Variants in ANK3 observed in about 807,000 individuals in gnomAD.
ANK3 encodes ankyrin-3.
Under a neutral mutation model 370.9 loss-of-function variants are expected in ANK3, and 57 were observed. The ratio of observed to expected loss-of-function variants is 0.15; its 90% CI spans 0.12 to 0.19. ANK3 has a LOEUF of 0.19. ANK3 is among the 10% of genes least tolerant of loss of function. The pLI is 1.00. For synonymous variants in ANK3, 1,929 were observed against 1,946.3 expected (o/e 0.99, Z 0.23); for missense variants, 4,439 against 5,302.1 (o/e 0.84, Z 5.06).
chr10:60,118,224 T>C (rs1305127241), intron 25 of ANK3, among the ~76,000 whole-genome samples: 1 of 148,246 alleles, frequency 6.7e-6, no homozygotes, highest in African/African-American at 2.7e-5. Flanking sequence ...ATTGCATAAC[T>C]TTGGTAATAA....
intron 21 of ANK3, among the ~76,000 whole-genome samples, chr10:60,169,535 G>A (rs995285865): frequency 1.3e-5 from 2 of 151,830 alleles, no homozygotes; most frequent in Non-Finnish European, 2.9e-5. Context: ...GTATTTGTCA[G>A]GTTTCTCCAT....
intron 1 of ANK3, among the ~76,000 whole-genome samples, chr10:60,665,344 T>A (rs1019558679): frequency 2.1e-4 from 32 of 152,210 alleles, no homozygotes; most frequent in African/African-American, 7.5e-4. Context: ...AAAGAGCATT[T>A]TCTAAGATGC....
At chr10:60,470,141 A>G (rs1230405504) in intron 2 of ANK3, among the ~76,000 whole-genome samples, 3 of 152,108 alleles carry the variant, frequency 2.0e-5, no homozygotes, top group African/African-American at 7.2e-5. Flanking sequence ...AGCTAGTCGA[A>G]TCAGAAAAAT....
At chr10:60,506,676 C>T (rs1446072676) in intron 2 of ANK3, among the ~76,000 whole-genome samples, 2 of 151,948 alleles carry the variant, frequency 1.3e-5, no homozygotes, top group South Asian at 2.1e-4. Flanking sequence ...TAGTATGATG[C>T]TTATTGGGTC....
At chr10:60,167,013 T>A (rs2095642407) in intron 21 of ANK3, 117 bp from the exon 22 acceptor site, 1 of 828,238 alleles carries the variant, frequency 1.2e-6, no homozygotes, top group African/African-American at 1.7e-5. Context: ...ATATCTTGAA[T>A]CTCCCACATA....
At chr10:60,674,208 A>T (rs958274919) in intron 1 of ANK3, among the ~76,000 whole-genome samples, 1 of 152,132 alleles carries the variant, frequency 6.6e-6, no homozygotes, top group African/African-American at 2.4e-5. Context: ...AAAATGTTTA[A>T]TTTGATGAGT....
In ANK3 at chr10:60,641,967, C is replaced by T. The variant is rs1207549229; in HGVS notation, c.58-26743G>A. ...ACAAACAACCCCATCAAAAAGTGGG[C>T]GAAGGACATGAACAGACACTTCTCA... On this transcript the variant is annotated intron_variant, in intron 1 of 43. Transcript: ENST00000373827. Among the ~76,000 whole-genome samples, 18 of 144,436 alleles carry T rather than the reference C, an allele frequency of 1.2e-4. 1 individual carries two copies. The highest frequency in any genetic ancestry group is 9.9e-4 in the Admixed American group (14 of 14,170). 94.8% of individuals were successfully genotyped at this position (144,436 alleles called of 152,430 possible). A position where few individuals can be genotyped will look rare whatever the true frequency, so the allele number is the denominator to read the frequency against.
At chr10:60,139,386 T>C (rs2094474455) in intron 23 of ANK3, 1 of 314,000 alleles carries the variant, frequency 3.2e-6, no homozygotes, top group Non-Finnish European at 5.8e-6. Flanking sequence ...GAAAGGTGGA[T>C]GTTTTATGTC....
intron 1 of ANK3, among the ~76,000 whole-genome samples, chr10:60,627,399 TA>T (rs942476082): frequency 1.2e-4 from 18 of 145,772 alleles, no homozygotes; most frequent in Admixed American, 1.0e-3. Context: ...TGTCCGTCAT[TA>T]AAAAAAAGAT....
At chr10:60,326,928 G>A (rs1333216100) in intron 1 of ANK3, among the ~76,000 whole-genome samples, 1 of 151,804 alleles carries the variant, frequency 6.6e-6, no homozygotes, top group African/African-American at 2.4e-5. Flanking sequence ...GCTGAGGCAG[G>A]AGAATGGCTT....
At position 60,389,099 on chromosome 10, in the gene ANK3, A is replaced by G. The variant is rs1392539402; in HGVS notation, c.114+326T>C. On this transcript the variant is annotated intron_variant, in intron 1 of 43. Transcript: ENST00000280772. Reference sequence around the variant, plus strand: ...AACCCAAGTCACCGCAGTGCATTTCACCTTGACTGGGCTGTGAAGAAACTA... The same window carrying G: ...AACCCAAGTCACCGCAGTGCATTTCGCCTTGACTGGGCTGTGAAGAAACTA... Among the ~76,000 whole-genome samples the G allele has an allele frequency of 3.3e-5, 5 of 151,972 alleles. No homozygotes were observed. In the South Asian group the frequency reaches 8.3e-4, roughly 25 times the overall value.
rs559287843 is a variant in ANK3, at chr10:60,482,481, T to C, written c.96+132705A>G. Among the ~76,000 whole-genome samples, 4 of 147,992 alleles carry C rather than the reference T, an allele frequency of 2.7e-5. No individual in the cohort carries two copies. In the South Asian group the frequency reaches 8.9e-4, roughly 33 times the overall value. ...GATACCTACCCAAAATAATCAAAAC[T>C]ACTCTCTAACAACATTTTTTTTTTA... On this transcript the variant is annotated intron_variant, in intron 2 of 43. Transcript: ENST00000373827.
rs189249862 is a variant in ANK3, at chr10:60,469,094, T to C, written c.96+146092A>G. On this transcript the variant is annotated intron_variant, in intron 2 of 43. Coordinates refer to the ANK3 transcript ENST00000373827. ...ATATATATATATATATATATATATA[T>C]ACCACTTTTAGTATATATATATATA... Among the ~76,000 whole-genome samples, 295 of 37,850 alleles carry C rather than the reference T, an allele frequency of 7.8e-3. 22 individuals are homozygous for C. Among genetic ancestry groups the C allele is most frequent in the Middle Eastern group, 0.022 (2 of 90 alleles). The allele number at this position is 37,850 out of a possible 152,430, so 24.8% of individuals were successfully genotyped here.
At chr10:60,606,852 T>C (rs992973185) in intron 2 of ANK3, among the ~76,000 whole-genome samples, 1 of 152,142 alleles carries the variant, frequency 6.6e-6, no homozygotes, top group African/African-American at 2.4e-5. Context: ...AAATGTTGTG[T>C]TGAAATCATC....
At chr10:60,623,143 T>C (rs567472051) in intron 1 of ANK3, among the ~76,000 whole-genome samples, 1 of 152,226 alleles carries the variant, frequency 6.6e-6, no homozygotes, top group South Asian at 2.1e-4. Flanking sequence ...CCATATTCCA[T>C]CCCTTCCAGA....
intron 1 of ANK3, among the ~76,000 whole-genome samples, chr10:60,657,859 T>C (rs2078885575): frequency 1.3e-5 from 2 of 148,256 alleles, no homozygotes; most frequent in African/African-American, 5.0e-5. Context: ...TTTATTCCTT[T>C]AGTTTTCTCC....
chr10:60,662,673 C>T (rs2078949738), intron 1 of ANK3, among the ~76,000 whole-genome samples: 1 of 152,122 alleles, frequency 6.6e-6, no homozygotes, highest in Admixed American at 6.6e-5. Flanking sequence ...CAATCCCTAG[C>T]AAATGTTTAT....
At chr10:60,058,034 G>C (rs905445981) in intron 41 of ANK3, among the ~76,000 whole-genome samples, 1 of 152,106 alleles carries the variant, frequency 6.6e-6, no homozygotes, top group Non-Finnish European at 1.5e-5. Context: ...TTAATCACTA[G>C]CTGGCACTGA....
At chr10:60,634,514 A>G (rs1239087571) in intron 1 of ANK3, among the ~76,000 whole-genome samples, 1 of 152,100 alleles carries the variant, frequency 6.6e-6, no homozygotes, top group East Asian at 1.9e-4. Flanking sequence ...AAAACGGAAC[A>G]ATTGGCACTC....
Sources: allele counts gnomAD v4.1 joint callset (sites outside exome capture counted in the v4.1 genomes callset), GRCh38; gene constraint gnomAD v4.1.1; transcripts MANE v1.5; gene names NCBI Gene and HGNC (gene_info 2026-07-23, HGNC 2026-07-21).